RORA: variants seen among roughly 807,000 people sequenced by gnomAD.
RORA encodes the protein nuclear receptor ROR-alpha.
A neutral mutation model predicts 69.5 loss-of-function variants in RORA; 7 were observed. That is an observed-to-expected ratio of 0.10 (90% CI 0.06 to 0.19). The LOEUF is 0.19. Among genes scored for constraint, RORA ranks in the 10% least tolerant of loss-of-function variants. The pLI is 1.00. For synonymous variants in RORA, 261 were observed against 240.8 expected, an observed-to-expected ratio of 1.08 and a Z score of -0.78; for missense variants, 457 against 663.0, an observed-to-expected ratio of 0.69 and a Z score of 3.41.
intron 1 of RORA, among the ~76,000 whole-genome samples, chr15:61,179,827 C>A (rs1340268819): frequency 6.6e-6 from 1 of 152,056 alleles, no homozygotes; most frequent in Non-Finnish European, 1.5e-5. Flanking sequence ...GATTTAAAAG[C>A]AAATGATGGT....
chr15:60,620,136 C>G (rs779467682), intron 2 of RORA, among the ~76,000 whole-genome samples: 3 of 152,216 alleles, frequency 2.0e-5, no homozygotes, highest in African/African-American at 7.2e-5. Flanking sequence ...CTACTTTAGA[C>G]TTCTTTGGAG....
At chr15:60,665,426 C>A (rs905685688) in intron 2 of RORA, among the ~76,000 whole-genome samples, 2 of 152,304 alleles carry the variant, frequency 1.3e-5, no homozygotes, top group Middle Eastern at 3.4e-3. Flanking sequence ...TTCAAGAGGT[C>A]ACTCAGAAAA....
chr15:60,643,064 T>C (rs888255362), intron 2 of RORA, among the ~76,000 whole-genome samples: 1 of 151,934 alleles, frequency 6.6e-6, no homozygotes, highest in South Asian at 2.1e-4. Context: ...GGCTGAGGCA[T>C]GAGAATTGCT....
intron 1 of RORA, among the ~76,000 whole-genome samples, chr15:61,156,320 A>G (rs987943689): frequency 1.3e-5 from 2 of 152,170 alleles, no homozygotes; most frequent in African/African-American, 2.4e-5. Context: ...AAATGGTCCA[A>G]TAGTGTGGAA....
At chr15:60,869,289 G>A (rs1353270220) in intron 1 of RORA, among the ~76,000 whole-genome samples, 1 of 152,082 alleles carries the variant, frequency 6.6e-6, no homozygotes, top group Non-Finnish European at 1.5e-5. Flanking sequence ...GAGGGCACAG[G>A]CTGATTTCGC....
intron 1 of RORA, among the ~76,000 whole-genome samples, chr15:60,906,487 G>A (rs1567232264): frequency 1.3e-5 from 2 of 152,190 alleles, no homozygotes; most frequent in African/African-American, 2.4e-5. Context: ...ACACACAGCT[G>A]CACAGGAAAT....
chr15:60,630,118 T>C (rs150693909), intron 2 of RORA, among the ~76,000 whole-genome samples: 32 of 152,308 alleles, frequency 2.1e-4, no homozygotes, highest in African/African-American at 7.7e-4. Context: ...GGGCTCAGAA[T>C]GGAAAGAACC....
chr15:60,515,316 A>T (rs1224922873), intron 3 of RORA, among the ~76,000 whole-genome samples: 3 of 152,114 alleles, frequency 2.0e-5, no homozygotes, highest in Non-Finnish European at 4.4e-5. Flanking sequence ...ACTTGGAGGG[A>T]TTATTTTGGC....
At chr15:60,860,747 A>G (rs189080895) in intron 1 of RORA, among the ~76,000 whole-genome samples, 35 of 152,394 alleles carry the variant, frequency 2.3e-4, no homozygotes, top group African/African-American at 7.0e-4. Context: ...TACTACAGAT[A>G]TCAAAAGCAT....
At chr15:60,807,381 A>G (rs1469383499) in intron 1 of RORA, among the ~76,000 whole-genome samples, 1 of 152,180 alleles carries the variant, frequency 6.6e-6, no homozygotes, top group East Asian at 1.9e-4. Context: ...AAGGTGAAAG[A>G]CCTCTACAAG....
intron 1 of RORA, among the ~76,000 whole-genome samples, chr15:61,146,297 T>C (rs779612579): frequency 6.6e-6 from 1 of 150,470 alleles, no homozygotes; most frequent in Non-Finnish European, 1.5e-5. Flanking sequence ...GCCGACCATC[T>C]GTTGTCATCT....
chr15:61,156,495 TC>T (rs1020519506), intron 1 of RORA, among the ~76,000 whole-genome samples: 2 of 152,012 alleles, frequency 1.3e-5, no homozygotes, highest in African/African-American at 4.8e-5. Context: ...TCAGCAACTC[TC>T]CATTACCTTC....
At chr15:60,955,259 G>C (rs960582184) in intron 1 of RORA, among the ~76,000 whole-genome samples, 3 of 152,198 alleles carry the variant, frequency 2.0e-5, no homozygotes, top group Non-Finnish European at 2.9e-5. Flanking sequence ...CCGAGATTGT[G>C]CCACTGCACT....
At chr15:61,037,138 G>T (rs534503338) in intron 1 of RORA, among the ~76,000 whole-genome samples, 2 of 152,298 alleles carry the variant, frequency 1.3e-5, no homozygotes, top group East Asian at 3.9e-4. Context: ...CTGTGCTTCA[G>T]TCTCCTTATC....
intron 1 of RORA, among the ~76,000 whole-genome samples, chr15:60,786,530 T>C (rs1046213780): frequency 6.6e-5 from 10 of 152,196 alleles, no homozygotes; most frequent in South Asian, 2.1e-4. Context: ...AAGACAGAGA[T>C]GGGGCTACTC....
intron 1 of RORA, among the ~76,000 whole-genome samples, chr15:60,869,122 A>T (rs1269026148): frequency 3.3e-5 from 5 of 152,194 alleles, no homozygotes; most frequent in African/African-American, 1.2e-4. Flanking sequence ...GAAAAAAAGA[A>T]CACATCAGTT....
chr15:61,138,939 A>G (rs2079271003), intron 1 of RORA, among the ~76,000 whole-genome samples: 1 of 152,076 alleles, frequency 6.6e-6, no homozygotes, highest in South Asian at 2.1e-4. Context: ...AGGTCAGGAG[A>G]TCGAGACCAT....
chr15:60,745,913 A>G (rs1411270928), intron 1 of RORA, among the ~76,000 whole-genome samples: 1 of 152,094 alleles, frequency 6.6e-6, no homozygotes, highest in Non-Finnish European at 1.5e-5. Flanking sequence ...TTTCCTGTGT[A>G]TTTCCAGCAC....
intron 1 of RORA, among the ~76,000 whole-genome samples, chr15:60,985,544 C>A (rs1161573194): frequency 1.4e-5 from 2 of 146,738 alleles, no homozygotes; most frequent in African/African-American, 2.5e-5. Context: ...TTCTCACATA[C>A]GAAAAATTAA....
Sources: allele counts gnomAD v4.1 joint callset (sites outside exome capture counted in the v4.1 genomes callset), GRCh38; gene constraint gnomAD v4.1.1; transcripts MANE v1.5; gene names NCBI Gene and HGNC (gene_info 2026-07-23, HGNC 2026-07-21).